MCU: variants seen among roughly 807,000 people sequenced by gnomAD.
MCU encodes the protein calcium uniporter protein, mitochondrial.
A neutral mutation model predicts 45.2 loss-of-function variants in MCU; 12 were observed. That is an observed-to-expected ratio of 0.27 (90% confidence interval 0.17 to 0.43). The LOEUF is 0.43. Ranked by LOEUF, MCU falls within the 20% of genes least tolerant of loss-of-function variation. MCU has a pLI of 1.00. For synonymous variants in MCU, 160 were observed against 165.1 expected (o/e 0.97, Z 0.24); for missense variants, 324 against 436.7 (o/e 0.74, Z 2.30).
chr10:72,822,024 C>T (rs1220306062), intron 1 of MCU, among the ~76,000 whole-genome samples: 1 of 152,138 alleles, frequency 6.6e-6, no homozygotes, highest in African/African-American at 2.4e-5. Context: ...GCCTGTAATC[C>T]CAGCACTTTG....
chr10:72,844,826 A>G (rs2132849121), intron 2 of MCU, among the ~76,000 whole-genome samples: 1 of 152,322 alleles, frequency 6.6e-6, no homozygotes, highest in East Asian at 1.9e-4. Flanking sequence ...TTTATTGAGA[A>G]TAATAAACTT....
intron 1 of MCU, among the ~76,000 whole-genome samples, chr10:72,711,799 T>C (rs528778591): frequency 6.9e-6 from 1 of 145,942 alleles, no homozygotes; most frequent in Non-Finnish European, 1.5e-5. Context: ...GTAAGCTCCA[T>C]CTCCCGGGTT....
At chr10:72,866,905 T>G (rs149916895) in intron 4 of MCU, among the ~76,000 whole-genome samples, 450 of 151,918 alleles carry the variant, frequency 3.0e-3, no homozygotes, top group Non-Finnish European at 5.3e-3. Context: ...TGCAGTTTCT[T>G]CTGGTAACTT....
chr10:72,867,710 C>T (rs571118321), intron 4 of MCU, among the ~76,000 whole-genome samples: 481 of 152,078 alleles, frequency 3.2e-3, no homozygotes, highest in African/African-American at 0.011. Flanking sequence ...AAAAAATTAG[C>T]CGGGCATGGT....
At chr10:72,850,380 A>C (rs920875961) in intron 2 of MCU, among the ~76,000 whole-genome samples, 1 of 152,134 alleles carries the variant, frequency 6.6e-6, no homozygotes, top group African/African-American at 2.4e-5. Flanking sequence ...GTTCTACTCC[A>C]AGTAGCTTTG....
At chr10:72,813,828 A>C (rs1385755956) in intron 1 of MCU, among the ~76,000 whole-genome samples, 1 of 152,066 alleles carries the variant, frequency 6.6e-6, no homozygotes, top group Non-Finnish European at 1.5e-5. Context: ...CCTGACTGTG[A>C]AACAACACGA....
At chr10:72,709,823 A>T in intron 1 of MCU, among the ~76,000 whole-genome samples, 1 of 152,182 alleles carries the variant, frequency 6.6e-6, no homozygotes, top group East Asian at 1.9e-4. Context: ...ATTTTGGAAT[A>T]TTCATTTACT....
intron 1 of MCU, among the ~76,000 whole-genome samples, chr10:72,797,311 T>A (rs1468578318): frequency 1.3e-5 from 2 of 150,548 alleles, no homozygotes; most frequent in African/African-American, 4.9e-5. Flanking sequence ...GCAACCTCCA[T>A]CTCCTGGGTT....
At chr10:72,767,248 CT>C (rs1312098799) in intron 1 of MCU, among the ~76,000 whole-genome samples, 1 of 151,810 alleles carries the variant, frequency 6.6e-6, no homozygotes, top group Non-Finnish European at 1.5e-5. Context: ...AATTTCCTTT[CT>C]GCTGTCTGTC....
chr10:72,772,652 G>T (rs1003989722), intron 1 of MCU, among the ~76,000 whole-genome samples: 1 of 152,154 alleles, frequency 6.6e-6, no homozygotes, highest in Non-Finnish European at 1.5e-5. Flanking sequence ...AGCTGAGATC[G>T]TGCCACTGCA....
intron 1 of MCU, among the ~76,000 whole-genome samples, chr10:72,774,663 A>G (rs994952835): frequency 1.3e-5 from 2 of 152,126 alleles, no homozygotes; most frequent in African/African-American, 4.8e-5. Flanking sequence ...CCACCTCACT[A>G]ATAAAGTCAC....
intron 4 of MCU, among the ~76,000 whole-genome samples, chr10:72,861,465 C>T (rs1165388542): frequency 2.0e-5 from 3 of 151,462 alleles, no homozygotes; most frequent in Non-Finnish European, 4.4e-5. Context: ...CTCACTCTGT[C>T]GCCCAGGCTG....
At chr10:72,882,549 C>A (rs1845720783) in intron 6 of MCU, among the ~76,000 whole-genome samples, 1 of 152,132 alleles carries the variant, frequency 6.6e-6, no homozygotes, top group East Asian at 1.9e-4. Context: ...ATGAAATAAA[C>A]CCCGGTCTCC....
intron 1 of MCU, among the ~76,000 whole-genome samples, chr10:72,772,682 A>AT (rs1321605784): frequency 1.3e-5 from 2 of 152,228 alleles, no homozygotes; most frequent in Non-Finnish European, 2.9e-5. Flanking sequence ...GGTGGGTGAC[A>AT]GAGTGAGACT....
chr10:72,698,387 TTTC>T (rs1242370065), intron 1 of MCU, among the ~76,000 whole-genome samples: 2 of 152,240 alleles, frequency 1.3e-5, no homozygotes, highest in Non-Finnish European at 2.9e-5. Flanking sequence ...GATGTTTTTA[TTTC>T]TTCTTATGTT....
chr10:72,726,819 ATATATAGTCTTCT>A (rs1843108092), intron 1 of MCU, among the ~76,000 whole-genome samples: 1 of 152,166 alleles, frequency 6.6e-6, no homozygotes, highest in Non-Finnish European at 1.5e-5. Flanking sequence ...AGGCCATAAA[ATATATAGTCTTCT>A]TATAGTTGTT....
intron 1 of MCU, among the ~76,000 whole-genome samples, chr10:72,726,227 C>T (rs954005973): frequency 6.8e-6 from 1 of 146,230 alleles, no homozygotes; most frequent in African/African-American, 2.6e-5. Context: ...TGTCTATCAG[C>T]ACACACATAC....
chr10:72,775,357 T>C (rs1357354499), intron 1 of MCU, among the ~76,000 whole-genome samples: 24 of 151,580 alleles, frequency 1.6e-4, no homozygotes, highest in Admixed American at 1.5e-3. Flanking sequence ...AAATGGAAAA[T>C]ATAACATACC....
At chr10:72,866,065 CCA>C (rs1409767833) in intron 4 of MCU, among the ~76,000 whole-genome samples, 1 of 152,076 alleles carries the variant, frequency 6.6e-6, no homozygotes, top group Non-Finnish European at 1.5e-5. Flanking sequence ...GTGTGAGCCA[CCA>C]CGCCCGGCCT....
Sources: allele counts gnomAD v4.1 joint callset (sites outside exome capture counted in the v4.1 genomes callset), GRCh38; gene constraint gnomAD v4.1.1; transcripts MANE v1.5; gene names NCBI Gene and HGNC (gene_info 2026-07-23, HGNC 2026-07-21).